Variants in VAPA observed in about 807,000 individuals in gnomAD.
The protein encoded by VAPA is vesicle-associated membrane protein-associated protein A.
Under a neutral mutation model 25.6 loss-of-function variants are expected in VAPA, and 6 were observed. The observed-to-expected ratio is 0.23, with a 90% confidence interval of 0.13 to 0.46. The LOEUF (loss-of-function observed/expected upper bound fraction) is 0.46, where lower values mean the gene tolerates loss of function less well. Among genes scored for constraint, VAPA ranks in the 20% least tolerant of loss-of-function variants. The pLI, the probability that VAPA is intolerant of heterozygous loss-of-function variation, is 0.99. For synonymous variants in VAPA, 112 were observed against 106.2 expected, an observed-to-expected ratio of 1.05 and a Z score of -0.34; for missense variants, 244 against 302.1, an observed-to-expected ratio of 0.81 and a Z score of 1.43.
rs193277404 is a variant in VAPA at position 9,920,640 on chromosome 18, T to G, written c.79+6305T>G. On this transcript the variant is annotated intron_variant, in intron 1 of 5. Coordinates refer to ENST00000400000, the MANE Select transcript of VAPA (RefSeq NM_194434.3). ...TTTACCCTGTCCTCCACACTGCTGC[T>G]GGAACTACGCTTTGGAAAAAGGAGG... Among the ~76,000 whole-genome samples the G allele has an allele frequency of 4.4e-3, 671 of 152,346 alleles. 9 individuals carry two copies. Among genetic ancestry groups the G allele is most frequent in the Non-Finnish European group, 4.3e-3 (290 of 68,022 alleles).
intron 5 of VAPA, among the ~76,000 whole-genome samples, chr18:9,953,558 A>G (rs1354487050): frequency 2.0e-5 from 3 of 152,104 alleles, no homozygotes; most frequent in Non-Finnish European, 4.4e-5. Context: ...CCGGTTCCTT[A>G]GTTGCAGTGT....
chr18:9,935,366 A>G (rs1449463633), intron 2 of VAPA, among the ~76,000 whole-genome samples: 1 of 152,088 alleles, frequency 6.6e-6, no homozygotes, highest in Admixed American at 6.5e-5. Context: ...GAGCCCAGGA[A>G]TTCTATACCA....
intron 4 of VAPA, among the ~76,000 whole-genome samples, chr18:9,942,321 A>G (rs1160937695): frequency 6.6e-6 from 1 of 152,206 alleles, no homozygotes; most frequent in African/African-American, 2.4e-5. Context: ...TTGGTAGTCA[A>G]CTTAGAAAAA....
At chr18:9,932,980 C>T (rs1212435194) in intron 2 of VAPA, among the ~76,000 whole-genome samples, 5 of 151,816 alleles carry the variant, frequency 3.3e-5, no homozygotes, top group African/African-American at 7.3e-5. Context: ...TGGTGGTGGG[C>T]GCCTGTAGTC....
At chr18:9,930,810 C>G (rs1187034872) in intron 1 of VAPA, among the ~76,000 whole-genome samples, 1 of 151,910 alleles carries the variant, frequency 6.6e-6, no homozygotes, top group East Asian at 1.9e-4. Context: ...TCTCCTTCCT[C>G]TCATCCTAGT....
intron 1 of VAPA, chr18:9,924,161 T>C (rs1232546928): frequency 2.6e-5 from 4 of 152,122 alleles, no homozygotes; most frequent in African/African-American, 9.7e-5. Flanking sequence ...TATTTTCCCC[T>C]AGCAAAAACT....
At chr18:9,921,286 G>A (rs1012420774) in intron 1 of VAPA, among the ~76,000 whole-genome samples, 3 of 152,170 alleles carry the variant, frequency 2.0e-5, no homozygotes, top group African/African-American at 7.2e-5. Context: ...ATTTTGTAAA[G>A]AGCTGACTAA....
chr18:9,952,277 A>G (rs1387768467), intron 5 of VAPA, among the ~76,000 whole-genome samples: 1 of 152,174 alleles, frequency 6.6e-6, no homozygotes, highest in Non-Finnish European at 1.5e-5. Flanking sequence ...AAGTAAAACA[A>G]AAAAGCTGGG....
In VAPA at chr18:9,955,381, C is replaced by G. The variant is rs759194139; in HGVS notation, c.*1170C>G. ...CTTTGCAAATGTTAACCATGTGAAACACATTTTCAGTATAAGTATGCGTTA... is the reference window on the plus strand; with the variant it reads ...CTTTGCAAATGTTAACCATGTGAAAGACATTTTCAGTATAAGTATGCGTTA... On this transcript the variant is annotated 3_prime_UTR_variant, in exon 6 of 6. Coordinates refer to ENST00000400000, the MANE Select transcript of VAPA (RefSeq NM_194434.3). 1.3e-5 allele frequency: 2 copies of G among 152,182 alleles called. No homozygotes were observed. The highest frequency in any genetic ancestry group is 2.4e-5 in the African/African-American group (1 of 41,448). The allele number at this position is 152,182 out of a possible 1,614,324, so 9.4% of individuals were successfully genotyped here.
intron 1 of VAPA, chr18:9,925,202 A>G (rs2069189975): frequency 1.3e-5 from 2 of 152,182 alleles, no homozygotes; most frequent in African/African-American, 2.4e-5. Flanking sequence ...GAGAGTTTTC[A>G]TGATACATTC....
intron 5 of VAPA, among the ~76,000 whole-genome samples, chr18:9,953,155 C>G (rs1197191895): frequency 6.6e-6 from 1 of 152,198 alleles, no homozygotes; most frequent in Admixed American, 6.5e-5. Context: ...CTTGGAGTGA[C>G]TTCTGCTTTC....
chr18:9,922,447 G>T (rs953237428), intron 1 of VAPA, among the ~76,000 whole-genome samples: 2 of 152,008 alleles, frequency 1.3e-5, no homozygotes, highest in Non-Finnish European at 2.9e-5. Flanking sequence ...CTATTACAAA[G>T]AACAAAATCA....
rs116122691 is a variant in VAPA at position 9,953,467 on chromosome 18, G to A, written c.592-586G>A. ...AAAAACACTGTTACTTAAATTTCAC[G>A]CTAAACTGTTTCCTTCCCCCAAATT... On this transcript the variant is annotated intron_variant, in intron 5 of 5. Transcript: ENST00000400000. Among the ~76,000 whole-genome samples, 447 of 152,226 alleles carry A rather than the reference G, an allele frequency of 2.9e-3. 3 individuals carry two copies. Among genetic ancestry groups the A allele is most frequent in the African/African-American group, 0.01 (427 of 41,542 alleles).
At chr18:9,945,168 A>G in intron 4 of VAPA, 1 of 1,242,040 alleles carries the variant, frequency 8.1e-7, no homozygotes, top group Non-Finnish European at 1.1e-6. Context: ...TGAAGTAGAT[A>G]GAATTGAACT....
chr18:9,914,237 C>G lies in VAPA; in HGVS notation c.-20C>G. On this transcript the variant is annotated 5_prime_UTR_variant, in exon 1 of 6. Transcript: ENST00000400000. ...CAAACCGCCGCCGCGGGCGCGCCCC[C>G]GCTCTGCGCTGTCTCTCCGATGGCG... is the stretch of plus-strand genomic sequence containing the variant. 1.3e-6 allele frequency: 2 copies of G among 1,571,726 alleles called. No individual in the cohort carries two copies. Among genetic ancestry groups the G allele is most frequent in the Non-Finnish European group, 8.6e-7 (1 of 1,161,392 alleles).
chr18:9,931,843 A>G lies in VAPA; in HGVS notation c.113A>G (p.Lys38Arg), dbSNP rs2069258297. 1.2e-6 allele frequency: 2 copies of G among 1,613,880 alleles called. No individual in the cohort carries two copies. The highest frequency in any genetic ancestry group is 4.5e-5 in the East Asian group (2 of 44,864). The change falls in exon 2 of 6, where the codon AAA becomes AGA. Residue 38 changes from lysine (K) to arginine (R), a missense_variant. Lys to Arg is a conservative substitution (Grantham distance 26, BLOSUM62 2). This residue lies in a region of VAPA where 99 missense variants were observed against 161.6 expected (regional missense o/e 0.61). Transcript: ENST00000400000. ...ACAGATGTAGTCACTACAAATCTTAAATTGCGAAATCCATCGGATAGAAAA... is the reference window on the plus strand; with the variant it reads ...ACAGATGTAGTCACTACAAATCTTAGATTGCGAAATCCATCGGATAGAAAA... ...PFTDVVTTNL[K>R]LRNPSDRKVC...
intron 1 of VAPA, among the ~76,000 whole-genome samples, chr18:9,915,325 T>C (rs1018695250): frequency 6.6e-6 from 1 of 152,232 alleles, no homozygotes; most frequent in Non-Finnish European, 1.5e-5. Flanking sequence ...GTACTGCCTG[T>C]GATAAGTTTT....
At chr18:9,939,170 C>CT (rs2069341095) in intron 4 of VAPA, among the ~76,000 whole-genome samples, 1 of 147,184 alleles carries the variant, frequency 6.8e-6, no homozygotes, top group Non-Finnish European at 1.5e-5. Flanking sequence ...CCAAATAGTT[C>CT]TTCTTTTTTT....
intron 1 of VAPA, among the ~76,000 whole-genome samples, chr18:9,928,034 A>G (rs1418808596): frequency 6.6e-6 from 1 of 152,152 alleles, no homozygotes; most frequent in Non-Finnish European, 1.5e-5. Flanking sequence ...TTCATTATAA[A>G]CAGTGACATA....
Sources: gnomAD v4.1 joint callset for allele counts (sites outside exome capture counted in the v4.1 genomes callset) on GRCh38, gnomAD v4.1.1 for gene constraint, gnomAD v4.1.1 regional missense constraint, MANE v1.5 for transcripts, NCBI Gene and HGNC (gene_info 2026-07-23, HGNC 2026-07-21) for gene names.